The following ENTPD5 variants were observed in gnomAD, a reference collection of about 807,000 sequenced individuals.
ENTPD5 encodes the protein nucleoside diphosphate phosphatase ENTPD5.
A neutral mutation model predicts 60.2 loss-of-function variants in ENTPD5; 49 were observed. The observed-to-expected ratio is 0.81, with a 90% CI of 0.65 to 1.03. ENTPD5 has a LOEUF of 1.03. ENTPD5 is among the 50% of genes least tolerant of loss of function. The pLI, the probability that ENTPD5 is intolerant of heterozygous loss-of-function variation, is 0.00. For missense variants in ENTPD5, 480 were observed against 507.6 expected (o/e 0.95, Z 0.52); for synonymous variants, 187 against 185.4 (o/e 1.01, Z -0.07).
At chr14:73,986,762 G>A (rs953986903) in intron 5 of ENTPD5, 52 bp downstream of exon 5, 7 of 1,274,006 alleles carry the variant, frequency 5.5e-6, no homozygotes, top group Middle Eastern at 3.7e-4. Context: ...CAGTGGTGTG[G>A]TCAAGTTATC....
chr14:73,987,724 T>C (rs1179226669), intron 4 of ENTPD5, among the ~76,000 whole-genome samples, 162 bp downstream of exon 4: 2 of 151,954 alleles, frequency 1.3e-5, no homozygotes, highest in Non-Finnish European at 2.9e-5. Context: ...AATAAATAAA[T>C]AAACCACATG....
At chr14:73,958,169 G>T, downstream of ENTPD5, 1 of 1,613,990 alleles carries the variant, frequency 6.2e-7, no homozygotes, top group Admixed American at 1.7e-5. Context: ...TTCTCTACAG[G>T]AGCAAAGCCA....
chr14:73,983,999 C>A (rs1202128577), intron 5 of ENTPD5, among the ~76,000 whole-genome samples: 3 of 151,782 alleles, frequency 2.0e-5, no homozygotes, highest in African/African-American at 7.3e-5. Context: ...CCAAATTATT[C>A]TTTTATATTG....
chr14:73,961,177 G>A, downstream of ENTPD5: 1 of 1,613,558 alleles, frequency 6.2e-7, no homozygotes, highest in Non-Finnish European at 8.5e-7. Flanking sequence ...GCTCAGTGGA[G>A]TGATGCTGAC....
At chr14:73,975,510 T>C (rs1269771187) in intron 10 of ENTPD5, among the ~76,000 whole-genome samples, 1 of 151,894 alleles carries the variant, frequency 6.6e-6, no homozygotes, top group Non-Finnish European at 1.5e-5. Context: ...GTTCAAATGA[T>C]TCTCCTGCCT....
intron 5 of ENTPD5, chr14:73,986,611 C>A (rs1489389386): frequency 3.6e-6 from 2 of 562,762 alleles, no homozygotes; most frequent in Non-Finnish European, 3.2e-6. Flanking sequence ...TTACCACAAC[C>A]AATTTTCTAG....
chr14:73,961,416 G>C (rs758524718), downstream of ENTPD5: 1 of 1,614,126 alleles, frequency 6.2e-7, no homozygotes, highest in East Asian at 2.2e-5. Context: ...TTCTCACTTT[G>C]CTGCCAGAGG....
At chr14:74,005,624 A>T (rs1029024769) in intron 3 of ENTPD5, among the ~76,000 whole-genome samples, 5 of 151,980 alleles carry the variant, frequency 3.3e-5, no homozygotes, top group Non-Finnish European at 7.4e-5. Flanking sequence ...TCTGGCCAAC[A>T]TGGTGAATCC....
chr14:73,992,828 C>T (rs369553011), intron 3 of ENTPD5, among the ~76,000 whole-genome samples: 45 of 151,880 alleles, frequency 3.0e-4, no homozygotes, highest in African/African-American at 1.1e-3. Context: ...CAAGGCGAAA[C>T]CCCGTCTCTG....
At chr14:73,991,010 C>T (rs1013369454) in intron 3 of ENTPD5, among the ~76,000 whole-genome samples, 1 of 152,118 alleles carries the variant, frequency 6.6e-6, no homozygotes, top group Non-Finnish European at 1.5e-5. Context: ...GCCTGGGCGA[C>T]AGAGTGAGAC....
chr14:73,975,808 T>C, intron 10 of ENTPD5, 128 bp downstream of exon 10: 5 of 708,722 alleles, frequency 7.1e-6, no homozygotes, highest in East Asian at 2.7e-5. Flanking sequence ...TTTCAGTTGA[T>C]AGGCCTTAGG....
At chr14:74,013,324 T>G (rs1334530179) in intron 2 of ENTPD5, among the ~76,000 whole-genome samples, 1 of 152,204 alleles carries the variant, frequency 6.6e-6, no homozygotes, top group Non-Finnish European at 1.5e-5. Flanking sequence ...TTCTATAAAC[T>G]TTCCCTGACT....
intron 3 of ENTPD5, among the ~76,000 whole-genome samples, chr14:73,998,069 C>G (rs1254547155): frequency 6.6e-6 from 1 of 152,084 alleles, no homozygotes; most frequent in Non-Finnish European, 1.5e-5. Flanking sequence ...AGGGTCGTGA[C>G]CAACTCAGTA....
downstream of ENTPD5, chr14:73,958,817 C>A: frequency 1.3e-6 from 2 of 1,528,522 alleles, no homozygotes. Flanking sequence ...AGTGCAGGGG[C>A]TCCACCTCTA....
chr14:74,005,265 CAA>C (rs71115941), intron 3 of ENTPD5, among the ~76,000 whole-genome samples: 5 of 40,000 alleles, frequency 1.3e-4, no homozygotes, highest in African/African-American at 3.4e-4. Flanking sequence ...GACTCAGTCT[CAA>C]AAAAAAAAAA....
Position 73,966,700 on chromosome 14 carries a change from G to T in ENTPD5, c.*228C>A. 1 of 446,792 alleles carries T rather than the reference G, an allele frequency of 2.2e-6. No individual in the cohort carries two copies. Among genetic ancestry groups the T allele is most frequent in the Non-Finnish European group, 4.0e-6 (1 of 251,628 alleles). The allele number at this position is 446,792 out of a possible 1,614,324, so 27.7% of individuals were successfully genotyped here. A position where few individuals can be genotyped will look rare whatever the true frequency, so the allele number is the denominator to read the frequency against. On this transcript the variant is annotated 3_prime_UTR_variant, in exon 16 of 16. Transcript: ENST00000334696. Reference sequence around the variant, plus strand: ...CCCTGGGCTCTCACTCCAAGGTTAAGTTCCAAAACTATACTTTTTGGCTCA... The same window carrying T: ...CCCTGGGCTCTCACTCCAAGGTTAATTTCCAAAACTATACTTTTTGGCTCA...
chr14:73,962,721 G>A (rs1034938755), downstream of ENTPD5: 82 of 520,808 alleles, frequency 1.6e-4, 1 homozygote, highest in East Asian at 2.4e-3. Flanking sequence ...GGAGGCTGGG[G>A]AGGGAGGATT....
chr14:73,956,174 A>T (rs2056426400), downstream of ENTPD5: 1 of 414,136 alleles, frequency 2.4e-6, no homozygotes, highest in Admixed American at 3.5e-5. Flanking sequence ...AATACAAAGA[A>T]ACAATTAGCC....
At chr14:73,978,097 C>T (rs2057520568) in intron 6 of ENTPD5, among the ~76,000 whole-genome samples, 1 of 152,068 alleles carries the variant, frequency 6.6e-6, no homozygotes, top group African/African-American at 2.4e-5. Flanking sequence ...CACATAATGA[C>T]CTCTGGATCC....
Sources: allele counts gnomAD v4.1 joint callset (sites outside exome capture counted in the v4.1 genomes callset), GRCh38; gene constraint gnomAD v4.1.1; transcripts MANE v1.5; gene names NCBI Gene and HGNC (gene_info 2026-07-23, HGNC 2026-07-21).